SORCS2: variants seen among roughly 807,000 people sequenced by gnomAD.
SORCS2 encodes the protein VPS10 domain-containing receptor SorCS2.
SORCS2 carries 100 observed loss-of-function variants against 141.6 expected under a neutral mutation model. That is an observed-to-expected ratio of 0.71 (90% CI 0.60 to 0.83). SORCS2 has a LOEUF of 0.83. Ranked by LOEUF, SORCS2 falls within the 40% of genes least tolerant of loss-of-function variation. SORCS2 has a pLI of 0.00. For missense variants in SORCS2, 1,646 were observed against 1,560.2 expected (o/e 1.05, Z -0.93); for synonymous variants, 789 against 676.9 (o/e 1.17, Z -2.57).
At chr4:7,506,016 C>T (rs561904388) in intron 2 of SORCS2, among the ~76,000 whole-genome samples, 1 of 152,236 alleles carries the variant, frequency 6.6e-6, no homozygotes, top group Non-Finnish European at 1.5e-5. Flanking sequence ...AACGCATAGC[C>T]GTGCAGTAGC....
At chr4:7,646,457 G>T (rs1461400972) in intron 4 of SORCS2, among the ~76,000 whole-genome samples, 1 of 152,152 alleles carries the variant, frequency 6.6e-6, no homozygotes, top group Non-Finnish European at 1.5e-5. Context: ...AATCCCATTT[G>T]ACTGGTGTCC....
chr4:7,452,948 TGCTGTGTGTTGGGGTC>T (rs1728573358), intron 2 of SORCS2, among the ~76,000 whole-genome samples: 1 of 95,774 alleles, frequency 1.0e-5, no homozygotes, highest in Non-Finnish European at 2.0e-5. Flanking sequence ...TGGGGTCAGG[TGCTGTGTGTTGGGGTC>T]AGGTGCTGTG....
At chr4:7,405,018 A>G (rs1295020849) in intron 2 of SORCS2, among the ~76,000 whole-genome samples, 1 of 151,962 alleles carries the variant, frequency 6.6e-6, no homozygotes, top group Admixed American at 6.6e-5. Flanking sequence ...ATCCATCTTG[A>G]GTTGATTTTT....
At chr4:7,427,870 G>A (rs753007746) in intron 2 of SORCS2, among the ~76,000 whole-genome samples, 2 of 138,184 alleles carry the variant, frequency 1.4e-5, no homozygotes, top group South Asian at 2.8e-4. Context: ...CACCAGGCCC[G>A]ACTGCAACGC....
At chr4:7,195,435 C>G (rs1166469401) in intron 1 of SORCS2, among the ~76,000 whole-genome samples, 1 of 152,100 alleles carries the variant, frequency 6.6e-6, no homozygotes, top group Non-Finnish European at 1.5e-5. Context: ...GGGTCAGATG[C>G]TGGACCAGGC....
At chr4:7,624,472 C>G (rs1017723557) in intron 3 of SORCS2, among the ~76,000 whole-genome samples, 12 of 152,186 alleles carry the variant, frequency 7.9e-5, no homozygotes, top group African/African-American at 2.9e-4. Flanking sequence ...CCAATTTGAC[C>G]AGCAGCCACA....
intron 1 of SORCS2, among the ~76,000 whole-genome samples, chr4:7,228,978 G>A (rs1466825137): frequency 6.6e-6 from 1 of 152,206 alleles, no homozygotes; most frequent in Non-Finnish European, 1.5e-5. Context: ...TCCCGTCCCT[G>A]CCCCGAGTGG....
intron 20 of SORCS2, 74 bp from the exon 21 acceptor site, chr4:7,726,706 C>T (rs561939337): frequency 3.0e-4 from 464 of 1,552,836 alleles, no homozygotes; most frequent in African/African-American, 5.5e-4. Flanking sequence ...AGTGAGGCAG[C>T]GACCATAGGC....
At chr4:7,341,510 C>T (rs1177836741) in intron 1 of SORCS2, among the ~76,000 whole-genome samples, 1 of 152,186 alleles carries the variant, frequency 6.6e-6, no homozygotes, top group Admixed American at 6.5e-5. Flanking sequence ...ACTCTTCAGG[C>T]TGTAAGAGGC....
At position 7,682,999 on chromosome 4, in the gene SORCS2, A is replaced by G. The variant is rs186636260; in HGVS notation, c.1488+110A>G. The G allele has an allele frequency of 2.6e-5, 35 of 1,325,924 alleles. 1 individual carries two copies. In the Admixed American group the frequency reaches 2.7e-4, roughly 10 times the overall value. 82.1% of individuals were successfully genotyped at this position (1,325,924 alleles called of 1,614,324 possible). On this transcript the variant is annotated intron_variant, in intron 10 of 26. Coordinates refer to ENST00000507866, the MANE Select transcript of SORCS2 (RefSeq NM_020777.3). ...ATGTCTGAGAAGGACCATCTGAGACACATGAACCACCTATTTCTGCTGGGT... is the reference window on the plus strand; with the variant it reads ...ATGTCTGAGAAGGACCATCTGAGACGCATGAACCACCTATTTCTGCTGGGT...
At chr4:7,725,812 T>C (rs1432772034) in intron 20 of SORCS2, among the ~76,000 whole-genome samples, 1 of 152,150 alleles carries the variant, frequency 6.6e-6, no homozygotes, top group Non-Finnish European at 1.5e-5. Flanking sequence ...CCTCCACTCA[T>C]TCAGCAAACA....
chr4:7,371,876 A>G (rs1722270474), intron 1 of SORCS2, among the ~76,000 whole-genome samples: 1 of 152,228 alleles, frequency 6.6e-6, no homozygotes, highest in African/African-American at 2.4e-5. Flanking sequence ...TGATGGCCAC[A>G]GCTGAGATAA....
At chr4:7,445,870 G>GGC (rs2109272363) in intron 2 of SORCS2, among the ~76,000 whole-genome samples, 1 of 152,278 alleles carries the variant, frequency 6.6e-6, no homozygotes, top group East Asian at 1.9e-4. Context: ...TGGGGCCACA[G>GGC]GCAGCATCCC....
At chr4:7,691,708 G>A (rs967973100) in intron 11 of SORCS2, among the ~76,000 whole-genome samples, 3 of 152,076 alleles carry the variant, frequency 2.0e-5, no homozygotes, top group Non-Finnish European at 4.4e-5. Flanking sequence ...ACCCACGTTA[G>A]ACACCCCCAA....
intron 3 of SORCS2, among the ~76,000 whole-genome samples, chr4:7,574,190 G>A (rs78490319): frequency 5.4e-4 from 82 of 152,358 alleles, no homozygotes; most frequent in African/African-American, 1.1e-3. Flanking sequence ...GTTGGGTCCC[G>A]TGCGCCTTTG....
chr4:7,510,385 GC>G (rs1244179734), intron 2 of SORCS2, among the ~76,000 whole-genome samples: 1 of 152,204 alleles, frequency 6.6e-6, no homozygotes, highest in Non-Finnish European at 1.5e-5. Flanking sequence ...CCAGGAGGGC[GC>G]CCTGTCCTGT....
At chr4:7,556,387 G>C (rs551562216) in intron 3 of SORCS2, among the ~76,000 whole-genome samples, 2 of 152,220 alleles carry the variant, frequency 1.3e-5, no homozygotes, top group Non-Finnish European at 2.9e-5. Flanking sequence ...GCGCTGGGCT[G>C]GAGACACTCG....
chr4:7,590,501 C>A (rs1461875940), intron 3 of SORCS2, among the ~76,000 whole-genome samples: 1 of 152,210 alleles, frequency 6.6e-6, no homozygotes, highest in Non-Finnish European at 1.5e-5. Flanking sequence ...GTGGACTTCT[C>A]CCCTCGGGAG....
At chr4:7,323,212 G>A (rs1399572900) in intron 1 of SORCS2, among the ~76,000 whole-genome samples, 3 of 152,194 alleles carry the variant, frequency 2.0e-5, no homozygotes, top group South Asian at 2.1e-4. Context: ...AGCACAAAGA[G>A]CACATAATGA....
Sources: gnomAD v4.1 joint callset for allele counts (sites outside exome capture counted in the v4.1 genomes callset) on GRCh38, gnomAD v4.1.1 for gene constraint, MANE v1.5 for transcripts, NCBI Gene and HGNC (gene_info 2026-07-23, HGNC 2026-07-21) for gene names.